Variants in PYROXD1 observed in about 807,000 individuals in gnomAD.
PYROXD1 encodes tRNA ligase complex-associated NAD(P)H dehydrogenase PYROXD1.
Under a neutral mutation model 62.0 loss-of-function variants are expected in PYROXD1, and 42 were observed. The ratio of observed to expected loss-of-function variants is 0.68; its 90% CI spans 0.53 to 0.88. The LOEUF is 0.88. Among genes scored for constraint, PYROXD1 ranks in the 40% least tolerant of loss-of-function variants. The pLI is 0.00. For synonymous variants in PYROXD1, 170 were observed against 206.4 expected (o/e 0.82, Z 1.51); for missense variants, 493 against 604.8 (o/e 0.82, Z 1.94).
intron 2 of PYROXD1, among the ~76,000 whole-genome samples, chr12:21,444,345 CATAAG>C (rs1351401073): frequency 1.3e-5 from 2 of 152,098 alleles, no homozygotes; most frequent in African/African-American, 4.8e-5. Flanking sequence ...GTGCTAGGCA[CATAAG>C]ATAAGGAGAT....
chr12:21,449,435 T>C (rs1942450693), intron 3 of PYROXD1, 128 bp from the exon 4 acceptor site: 1 of 699,876 alleles, frequency 1.4e-6, no homozygotes, highest in Middle Eastern at 4.2e-4. Flanking sequence ...AAGAACTGAG[T>C]GCCACCAAGA....
At chr12:21,438,584 T>C (rs969657017) in intron 1 of PYROXD1, 1 of 152,234 alleles carries the variant, frequency 6.6e-6, no homozygotes, top group Admixed American at 6.5e-5. Flanking sequence ...GAAACTTTAT[T>C]TCTAGTAAAG....
At chr12:21,441,726 A>G (rs1383089538) in intron 2 of PYROXD1, among the ~76,000 whole-genome samples, 2 of 134,204 alleles carry the variant, frequency 1.5e-5, no homozygotes, top group Admixed American at 7.7e-5. Flanking sequence ...GCTTCTTTAA[A>G]CAATTATTTT....
intron 4 of PYROXD1, among the ~76,000 whole-genome samples, chr12:21,451,229 C>CTT (rs959580327): frequency 1.8e-5 from 2 of 111,786 alleles, no homozygotes; most frequent in Admixed American, 9.1e-5. Context: ...TTCTCTCTCT[C>CTT]TTTTTTTTTT....
At chr12:21,451,255 A>G (rs1406262853) in intron 4 of PYROXD1, among the ~76,000 whole-genome samples, 1 of 149,740 alleles carries the variant, frequency 6.7e-6, no homozygotes, top group Non-Finnish European at 1.5e-5. Context: ...ATCTATATTT[A>G]TTATACTTTA....
chr12:21,448,275 A>G (rs1942429707), intron 3 of PYROXD1: 2 of 372,786 alleles, frequency 5.4e-6, no homozygotes, highest in Non-Finnish European at 1.0e-5. Context: ...GTAGTTTCCT[A>G]GTGAGGCGAG....
At chr12:21,454,360 C>T (rs1292626523) in intron 5 of PYROXD1, among the ~76,000 whole-genome samples, 1 of 151,886 alleles carries the variant, frequency 6.6e-6, no homozygotes, top group Non-Finnish European at 1.5e-5. Context: ...TCTCCATTTC[C>T]ACCAGTTGTA....
chr12:21,462,238 G>A, intron 9 of PYROXD1, 118 bp downstream of exon 9: 1 of 628,456 alleles, frequency 1.6e-6, no homozygotes, highest in South Asian at 2.1e-5. Context: ...TAACATGGTT[G>A]GAAACAGTTT....
At chr12:21,459,128 C>T (rs1306481037) in intron 7 of PYROXD1, among the ~76,000 whole-genome samples, 1 of 152,106 alleles carries the variant, frequency 6.6e-6, no homozygotes, top group Non-Finnish European at 1.5e-5. Flanking sequence ...CTGGTTAGCC[C>T]CTAGGTGGCT....
intron 4 of PYROXD1, 45 bp downstream of exon 4, chr12:21,449,736 T>C: frequency 6.5e-7 from 1 of 1,540,072 alleles, no homozygotes; most frequent in South Asian, 1.2e-5. Flanking sequence ...TAAAAGAATT[T>C]TCTACATTTG....
chr12:21,462,175 G>A (rs940995721), intron 9 of PYROXD1, 55 bp downstream of exon 9: 2 of 940,716 alleles, frequency 2.1e-6, no homozygotes, highest in African/African-American at 1.7e-5. Flanking sequence ...TTTTTGTGAA[G>A]ATCTCTAATT....
At chr12:21,457,122 T>C (rs1306962320) in intron 7 of PYROXD1, 3 of 279,896 alleles carry the variant, frequency 1.1e-5, no homozygotes, top group Non-Finnish European at 2.1e-5. Flanking sequence ...TTGTTAATGT[T>C]GATATTTTGA....
intron 7 of PYROXD1, among the ~76,000 whole-genome samples, chr12:21,457,513 G>A (rs1435209312): frequency 1.3e-5 from 2 of 151,188 alleles, no homozygotes; most frequent in Admixed American, 6.6e-5. Flanking sequence ...GATGTGCTGT[G>A]TATTACTCCA....
chr12:21,455,312 CATTA>C lies in PYROXD1; in HGVS notation c.649+24_649+27del. The C allele has an allele frequency of 7.2e-7, 1 of 1,384,090 alleles. No homozygotes were observed. The highest frequency in any genetic ancestry group is 1.9e-5 in the South Asian group (1 of 51,758). 85.7% of individuals were successfully genotyped at this position (1,384,090 alleles called of 1,614,324 possible). ...CTGAAGGTAAGTGTAGCACCTAGCTCATTAATTCTCATACAAAACTTTTTTAAAA... is the reference window on the plus strand; with the variant it reads ...CTGAAGGTAAGTGTAGCACCTAGCTCATTCTCATACAAAACTTTTTTAAAA... On this transcript the variant is annotated intron_variant, in intron 6 of 11. Transcript: ENST00000240651.
At chr12:21,460,511 C>T (rs1397893142) in intron 7 of PYROXD1, among the ~76,000 whole-genome samples, 1 of 151,322 alleles carries the variant, frequency 6.6e-6, no homozygotes, top group Non-Finnish European at 1.5e-5. Context: ...GCAACCTCTG[C>T]CTCCCGGGTT....
intron 4 of PYROXD1, 50 bp from the exon 5 acceptor site, chr12:21,452,031 T>C (rs1192828882): frequency 1.9e-6 from 2 of 1,067,154 alleles, no homozygotes; most frequent in East Asian, 4.9e-5. Flanking sequence ...TATTTCAGAT[T>C]ATTGCCCACT....
chr12:21,452,180 A>C, intron 5 of PYROXD1, 26 bp downstream of exon 5: 2 of 1,346,600 alleles, frequency 1.5e-6, no homozygotes, highest in Non-Finnish European at 2.0e-6. Flanking sequence ...TAAATATGAT[A>C]ACATTTAAAT....
intron 10 of PYROXD1, among the ~76,000 whole-genome samples, chr12:21,465,781 AG>A (rs1188231676): frequency 6.6e-6 from 1 of 151,998 alleles, no homozygotes; most frequent in Non-Finnish European, 1.5e-5. Flanking sequence ...GTTTTCTTCT[AG>A]GGTTTTTATG....
At chr12:21,442,641 C>G (rs1356845460) in intron 2 of PYROXD1, among the ~76,000 whole-genome samples, 1 of 152,210 alleles carries the variant, frequency 6.6e-6, no homozygotes, top group African/African-American at 2.4e-5. Context: ...GGGTTGAGGA[C>G]AAAGTGACTC....
Sources: gnomAD v4.1 joint callset for allele counts (sites outside exome capture counted in the v4.1 genomes callset) on GRCh38, gnomAD v4.1.1 for gene constraint, MANE v1.5 for transcripts, NCBI Gene and HGNC (gene_info 2026-07-23, HGNC 2026-07-21) for gene names.